ARFIP1: variants seen among roughly 807,000 people sequenced by gnomAD.
ARFIP1 encodes ARF interacting protein 1.
In ARFIP1, 24 loss-of-function variants were observed where a neutral mutation model predicts 42.5. The observed-to-expected ratio is 0.57, with a 90% CI of 0.41 to 0.80. The LOEUF (loss-of-function observed/expected upper bound fraction) is 0.80, where lower values mean the gene tolerates loss of function less well. Among genes scored for constraint, ARFIP1 ranks in the 30% least tolerant of loss-of-function variants. The pLI, the probability that ARFIP1 is intolerant of heterozygous loss-of-function variation, is 0.00. For missense variants in ARFIP1, 354 were observed against 434.0 expected (o/e 0.82, Z 1.64); for synonymous variants, 141 against 153.7 (o/e 0.92, Z 0.61).
chr4:152,881,288 G>A, intron 6 of ARFIP1, 104 bp downstream of exon 6: 1 of 860,668 alleles, frequency 1.2e-6, no homozygotes, highest in South Asian at 1.9e-5. Flanking sequence ...AATGAAGATG[G>A]AATTCTGAGA....
intron 8 of ARFIP1, among the ~76,000 whole-genome samples, chr4:152,890,666 G>T (rs1303856688): frequency 2.0e-5 from 3 of 152,084 alleles, no homozygotes; most frequent in African/African-American, 7.2e-5. Context: ...AAGGGTAAAG[G>T]ATTGGGAATT....
At chr4:152,804,164 A>C (rs1169432933) in intron 1 of ARFIP1, among the ~76,000 whole-genome samples, 2 of 116,282 alleles carry the variant, frequency 1.7e-5, no homozygotes, top group Non-Finnish European at 3.4e-5. Context: ...TATTATATAT[A>C]ATATAACATG....
intron 8 of ARFIP1, among the ~76,000 whole-genome samples, chr4:152,889,813 ATAT>A (rs1736660463): frequency 9.3e-6 from 1 of 107,112 alleles, no homozygotes; most frequent in South Asian, 3.1e-4. Context: ...TATATACTAT[ATAT>A]ATACTATATA....
intron 3 of ARFIP1, among the ~76,000 whole-genome samples, chr4:152,868,971 T>G (rs1026347887): frequency 1.3e-5 from 2 of 152,242 alleles, no homozygotes; most frequent in African/African-American, 4.8e-5. Context: ...TGTGACAGTT[T>G]AGTTGATTTC....
chr4:152,837,657 C>T (rs1731761261), intron 2 of ARFIP1, among the ~76,000 whole-genome samples: 1 of 152,016 alleles, frequency 6.6e-6, no homozygotes, highest in Non-Finnish European at 1.5e-5. Context: ...TGTTTGAGTT[C>T]ATTGTAGACT....
chr4:152,884,140 C>T (rs971131861), intron 7 of ARFIP1, among the ~76,000 whole-genome samples: 66 of 151,964 alleles, frequency 4.3e-4, no homozygotes, highest in Middle Eastern at 3.4e-3. Flanking sequence ...TTGTCATTTT[C>T]CATTTAGTAT....
intron 8 of ARFIP1, among the ~76,000 whole-genome samples, chr4:152,899,366 C>G (rs1427529081): frequency 6.6e-6 from 1 of 152,176 alleles, no homozygotes; most frequent in Non-Finnish European, 1.5e-5. Context: ...CTAACTGTAA[C>G]TATGGACTTC....
At chr4:152,865,947 G>A (rs1734291888) in intron 3 of ARFIP1, among the ~76,000 whole-genome samples, 1 of 152,078 alleles carries the variant, frequency 6.6e-6, no homozygotes, top group African/African-American at 2.4e-5. Context: ...TAGGACAATA[G>A]TGGAGGGAAG....
At chr4:152,816,203 A>C (rs1032523339) in intron 1 of ARFIP1, among the ~76,000 whole-genome samples, 1 of 152,198 alleles carries the variant, frequency 6.6e-6, no homozygotes, top group African/African-American at 2.4e-5. Context: ...GTACTTTAAA[A>C]ACCTGAGTCA....
intron 2 of ARFIP1, among the ~76,000 whole-genome samples, chr4:152,855,350 T>C (rs1733341152): frequency 6.6e-6 from 1 of 151,568 alleles, no homozygotes; most frequent in Non-Finnish European, 1.5e-5. Flanking sequence ...GTGTGCTAGC[T>C]GTGGTGGGGA....
chr4:152,910,582 G>T lies in ARFIP1; in HGVS notation c.*363G>T, dbSNP rs1282007003. The stretch of plus-strand genomic sequence containing the variant: ...GGGCCGATTGTAACTTTTCCAAAGG[G>T]AGGTTTACATGATTTGTATCAACAT... On this transcript the variant is annotated 3_prime_UTR_variant, in exon 9 of 9. Transcript: ENST00000353617. 1 of 165,636 alleles carries T rather than the reference G, an allele frequency of 6.0e-6. No individual in the cohort carries two copies. The highest frequency in any genetic ancestry group is 1.3e-5 in the Non-Finnish European group (1 of 77,046). 10.3% of individuals were successfully genotyped at this position (165,636 alleles called of 1,614,324 possible). A position where few individuals can be genotyped will look rare whatever the true frequency, so the allele number is the denominator to read the frequency against.
chr4:152,797,849 T>C (rs1731560236), intron 1 of ARFIP1, among the ~76,000 whole-genome samples: 1 of 152,212 alleles, frequency 6.6e-6, no homozygotes, highest in Non-Finnish European at 1.5e-5. Flanking sequence ...GTTTTTAGGC[T>C]ACCATTATAT....
At chr4:152,862,594 C>T (rs1306791217) in intron 2 of ARFIP1, among the ~76,000 whole-genome samples, 1 of 152,030 alleles carries the variant, frequency 6.6e-6, no homozygotes, top group East Asian at 1.9e-4. Context: ...GATCTAAAAT[C>T]TGCTATCTTA....
intron 2 of ARFIP1, among the ~76,000 whole-genome samples, chr4:152,844,530 A>G (rs1417506732): frequency 1.3e-5 from 2 of 151,684 alleles, no homozygotes; most frequent in African/African-American, 4.8e-5. Flanking sequence ...TTTACTTCCT[A>G]TTGGAAGGCA....
intron 8 of ARFIP1, among the ~76,000 whole-genome samples, chr4:152,891,733 G>T (rs757401233): frequency 5.3e-5 from 8 of 152,080 alleles, no homozygotes; most frequent in Non-Finnish European, 8.8e-5. Flanking sequence ...GTTTGAGAAG[G>T]AGTCTCGCTA....
chr4:152,790,128 T>A (rs1026662420), intron 1 of ARFIP1, among the ~76,000 whole-genome samples: 25 of 152,334 alleles, frequency 1.6e-4, no homozygotes, highest in African/African-American at 5.8e-4. Context: ...ACTATATATA[T>A]GTTAAGCTAT....
chr4:152,785,035 G>C (rs1730717833), intron 1 of ARFIP1, among the ~76,000 whole-genome samples: 4 of 152,144 alleles, frequency 2.6e-5, no homozygotes. Flanking sequence ...GCTAGCCTGA[G>C]ATACTCATCA....
intron 8 of ARFIP1, among the ~76,000 whole-genome samples, chr4:152,890,185 G>A (rs11723750): frequency 1.1e-3 from 160 of 152,022 alleles, no homozygotes; most frequent in Non-Finnish European, 2.0e-3. Context: ...TAAAGGAAGA[G>A]TGAATCAAAT....
intron 1 of ARFIP1, among the ~76,000 whole-genome samples, chr4:152,792,854 A>G (rs1353903378): frequency 6.6e-6 from 1 of 152,172 alleles, no homozygotes; most frequent in Non-Finnish European, 1.5e-5. Flanking sequence ...GCAGCTACAA[A>G]GAGTTGGATG....
Sources: gnomAD v4.1 joint callset for allele counts (sites outside exome capture counted in the v4.1 genomes callset) on GRCh38, gnomAD v4.1.1 for gene constraint, MANE v1.5 for transcripts, NCBI Gene and HGNC (gene_info 2026-07-23, HGNC 2026-07-21) for gene names.